The following CUL1 variants were observed in gnomAD, a reference collection of about 807,000 sequenced individuals.
The protein encoded by CUL1 is cullin 1, also known as cullin-1.
CUL1 carries 24 observed loss-of-function variants against 118.0 expected under a neutral mutation model. The observed-to-expected ratio is 0.20, with a 90% CI of 0.15 to 0.29. CUL1 has a LOEUF of 0.29. Ranked by LOEUF, CUL1 falls within the 10% of genes least tolerant of loss-of-function variation. The pLI, the probability that CUL1 is intolerant of heterozygous loss-of-function variation, is 1.00. For missense variants in CUL1, 361 were observed against 933.8 expected (o/e 0.39, Z 7.99); for synonymous variants, 332 against 340.4 (o/e 0.98, Z 0.27).
chr7:148,742,926 G>A (rs531385421), intron 2 of CUL1, among the ~76,000 whole-genome samples: 30 of 152,220 alleles, frequency 2.0e-4, no homozygotes, highest in African/African-American at 7.2e-4. Context: ...TCTGATATAA[G>A]TATTTGAAAG....
intron 7 of CUL1, among the ~76,000 whole-genome samples, chr7:148,765,702 C>T (rs967601244): frequency 2.0e-5 from 3 of 152,158 alleles, no homozygotes; most frequent in African/African-American, 7.2e-5. Flanking sequence ...AAATATAATT[C>T]TCTTTACTCA....
At chr7:148,757,486 C>A (rs541886158) in intron 4 of CUL1, among the ~76,000 whole-genome samples, 1 of 152,192 alleles carries the variant, frequency 6.6e-6, no homozygotes, top group Non-Finnish European at 1.5e-5. Context: ...CCAGGCAAAT[C>A]AGGTGCCATA....
intron 1 of CUL1, among the ~76,000 whole-genome samples, chr7:148,708,478 C>T (rs1797955679): frequency 1.3e-5 from 2 of 152,210 alleles, no homozygotes; most frequent in Admixed American, 6.5e-5. Flanking sequence ...TCATTCTGCC[C>T]TCACGCCTGG....
intron 4 of CUL1, among the ~76,000 whole-genome samples, chr7:148,757,675 C>G (rs1342137962): frequency 2.0e-5 from 3 of 152,146 alleles, no homozygotes; most frequent in African/African-American, 7.2e-5. Flanking sequence ...CTGTATTAGT[C>G]TGTTTTCATA....
intron 3 of CUL1, among the ~76,000 whole-genome samples, chr7:148,754,395 TCTC>T (rs1799590437): frequency 6.6e-6 from 1 of 152,082 alleles, no homozygotes; most frequent in African/African-American, 2.4e-5. Context: ...GGATTTTTGA[TCTC>T]CTGGGCTCAA....
chr7:148,801,077 T>C lies in CUL1; in HGVS notation c.*495T>C, dbSNP rs1374382996. 1 of 152,876 alleles carries C rather than the reference T, an allele frequency of 6.5e-6. No individual in the cohort carries two copies. The highest frequency in any genetic ancestry group is 1.9e-4 in the East Asian group (1 of 5,208). The allele number at this position is 152,876 out of a possible 1,614,324, so 9.5% of individuals were successfully genotyped here. On this transcript the variant is annotated 3_prime_UTR_variant, in exon 22 of 22. Transcript: ENST00000325222. ...GTTTTAAGTTTTACTAATTTCTATATGTAAATAAAAGATATAATGATTGTG... is the reference window on the plus strand; with the variant it reads ...GTTTTAAGTTTTACTAATTTCTATACGTAAATAAAAGATATAATGATTGTG...
At chr7:148,716,718 G>T (rs1378143669) in intron 1 of CUL1, among the ~76,000 whole-genome samples, 1 of 152,184 alleles carries the variant, frequency 6.6e-6, no homozygotes, top group African/African-American at 2.4e-5. Context: ...TGTCTGCTAA[G>T]AATTTACTTT....
At position 148,787,322 on chromosome 7, in the gene CUL1, C is replaced by T. The variant is rs2129462918; in HGVS notation, c.1479+202C>T. 6.6e-6 allele frequency among the ~76,000 whole-genome samples: 1 copy of T among 152,084 alleles called. No homozygotes were observed. The highest frequency in any genetic ancestry group is 2.1e-4 in the South Asian group (1 of 4,812). ...CTAAAAATACAAAACATTAGCCGGGCATGGTGGTGGGCGCCTGTAGTCCCA... is the reference window on the plus strand; with the variant it reads ...CTAAAAATACAAAACATTAGCCGGGTATGGTGGTGGGCGCCTGTAGTCCCA... On this transcript the variant is annotated intron_variant, in intron 13 of 21. Transcript: ENST00000325222. The surrounding 1 kb of genome is among the most constrained non-coding windows in gnomAD (Gnocchi z 5.5).
In CUL1 at chr7:148,717,562, G is replaced by A. The variant is rs549704415; in HGVS notation, c.-161-12400G>A. ...CATTGCTGTTGGTCTAAGTTGAGCC[G>A]TTATCTCGGTGTCACTTGTCTTCTC... On this transcript the variant is annotated intron_variant, in intron 1 of 21. Transcript: ENST00000325222. Among the ~76,000 whole-genome samples, 11 of 151,946 alleles carry A rather than the reference G, an allele frequency of 7.2e-5. No individual in the cohort carries two copies. The South Asian group carries it at 1.9e-3, about 26-fold the overall frequency.
At chr7:148,778,096 A>AAAAAAAAAAAC (rs1563166639) in intron 9 of CUL1, among the ~76,000 whole-genome samples, 1 of 59,306 alleles carries the variant, frequency 1.7e-5, no homozygotes, top group Non-Finnish European at 3.1e-5. Context: ...AAAAAAAAAA[A>AAAAAAAAAAAC]AGAAGAAGAA....
chr7:148,701,136 C>T (rs562722064), intron 1 of CUL1, among the ~76,000 whole-genome samples: 1 of 152,022 alleles, frequency 6.6e-6, no homozygotes, highest in African/African-American at 2.4e-5. Context: ...GTGGTGGTGC[C>T]TCAGTTGCTT....
chr7:148,719,797 G>A (rs767720736), intron 1 of CUL1, among the ~76,000 whole-genome samples: 3 of 152,168 alleles, frequency 2.0e-5, no homozygotes, highest in Non-Finnish European at 4.4e-5. Flanking sequence ...GTGTCATTAC[G>A]TATTCATATC....
intron 2 of CUL1, among the ~76,000 whole-genome samples, chr7:148,733,728 A>C (rs189800680): frequency 1.3e-5 from 2 of 152,328 alleles, no homozygotes; most frequent in African/African-American, 4.8e-5. Flanking sequence ...AGCAGTTGGC[A>C]AAGGAAGTGG....
intron 1 of CUL1, among the ~76,000 whole-genome samples, chr7:148,710,528 C>T (rs1463640911): frequency 6.6e-6 from 1 of 152,172 alleles, no homozygotes; most frequent in Non-Finnish European, 1.5e-5. Flanking sequence ...GAGATCACGC[C>T]ACTACATTCC....
intron 3 of CUL1, among the ~76,000 whole-genome samples, chr7:148,755,089 C>T (rs1026623551): frequency 1.3e-5 from 2 of 152,170 alleles, no homozygotes; most frequent in South Asian, 4.1e-4. Flanking sequence ...AAATTGTGCT[C>T]GTGACTACGA....
intron 17 of CUL1, among the ~76,000 whole-genome samples, chr7:148,796,672 C>T (rs1208531940): frequency 6.6e-6 from 1 of 152,118 alleles, no homozygotes; most frequent in African/African-American, 2.4e-5. Flanking sequence ...CAGGTCTTTG[C>T]TTGGCTGCTT....
At chr7:148,727,936 A>G (rs243518) in intron 1 of CUL1, among the ~76,000 whole-genome samples, 39,873 of 151,904 alleles carry the variant, frequency 0.26, 5,649 homozygotes, top group South Asian at 0.39. Context: ...GCCTATTCAG[A>G]ATTAGGATGA....
intron 7 of CUL1, among the ~76,000 whole-genome samples, chr7:148,765,572 A>T (rs1438719151): frequency 6.6e-6 from 1 of 152,190 alleles, no homozygotes; most frequent in Admixed American, 6.5e-5. Context: ...TTGAGGCTGC[A>T]GTGAGCTATG....
rs1340683303 is a variant in CUL1 at position 148,754,032 on chromosome 7, G to A, written c.197G>A (p.Gly66Glu). 1.9e-6 allele frequency: 3 copies of A among 1,613,754 alleles called. No homozygotes were observed. The highest frequency in any genetic ancestry group is 2.2e-5 in the East Asian group (1 of 44,894). Residue 66 changes from glycine (G) to glutamate (E), a missense_variant, in exon 3 of 22, where the codon GGA (glycine) becomes GAA (glutamate). By Grantham distance (98) the Gly-to-Glu change is moderately conservative. Transcript: ENST00000325222. ...VHQSNQARGA[G>E]VPPSKSKKGQ... ...CAGTCAAACCAAGCACGAGGAGCTG[G>A]AGTTCCTCCTTCTAAGTCGAAAAAG...
Sources: allele counts gnomAD v4.1 joint callset (sites outside exome capture counted in the v4.1 genomes callset), GRCh38; gene constraint gnomAD v4.1.1; non-coding constraint Gnocchi (gnomAD v3.1); transcripts MANE v1.5; gene names NCBI Gene and HGNC (gene_info 2026-07-23, HGNC 2026-07-21).